GLUL: variants seen among roughly 807,000 people sequenced by gnomAD.
The protein encoded by GLUL is glutamine synthetase.
A neutral mutation model predicts 36.9 loss-of-function variants in GLUL; 8 were observed. The observed-to-expected ratio is 0.22, with a 90% CI of 0.13 to 0.39. GLUL has a LOEUF of 0.39. Ranked by LOEUF, GLUL falls within the 10% of genes least tolerant of loss-of-function variation. The pLI, the probability that GLUL is intolerant of heterozygous loss-of-function variation, is 1.00. For missense variants in GLUL, 315 were observed against 501.8 expected (o/e 0.63, Z 3.56); for synonymous variants, 182 against 172.8 (o/e 1.05, Z -0.42).
chr1:182,382,883 C>T lies in GLUL; in HGVS notation c.*1522G>A, dbSNP rs1450506252. 6.6e-6 allele frequency: 1 copy of T among 152,148 alleles called. No individual in the cohort carries two copies. The highest frequency in any genetic ancestry group is 1.5e-5 in the Non-Finnish European group (1 of 68,020). 9.4% of individuals were successfully genotyped at this position (152,148 alleles called of 1,614,324 possible). A position where few individuals can be genotyped will look rare whatever the true frequency, so the allele number is the denominator to read the frequency against. On this transcript the variant is annotated 3_prime_UTR_variant, in exon 7 of 7. Transcript: ENST00000331872. ...TAGGGATTTGAAAGAATCACAAACA[C>T]ATCAGAGAGATCTTATGTTAGGCTG...
intron 2 of GLUL, among the ~76,000 whole-genome samples, chr1:182,387,888 A>C (rs954227481): frequency 6.6e-6 from 1 of 152,230 alleles, no homozygotes; most frequent in Non-Finnish European, 1.5e-5. Flanking sequence ...GCCACATAGC[A>C]AGTACACAAT....
At chr1:182,391,581 G>A (rs550529712) in intron 1 of GLUL, 98 bp downstream of exon 1, 50 of 209,078 alleles carry the variant, frequency 2.4e-4, no homozygotes, top group African/African-American at 9.8e-4. Context: ...GGGACTGGAG[G>A]GGCAGGCAGC....
At chr1:182,391,223 G>T (rs1650403893) in intron 1 of GLUL, 1 of 398,722 alleles carries the variant, frequency 2.5e-6, no homozygotes, top group Non-Finnish European at 4.4e-6. Flanking sequence ...GAACCAGGAC[G>T]ATTGCTCCGA....
chr1:182,384,966 C>G, intron 6 of GLUL: 1 of 535,540 alleles, frequency 1.9e-6, no homozygotes, highest in South Asian at 2.2e-5. Flanking sequence ...ATCCACATGC[C>G]TGTATTGTTA....
In GLUL at chr1:182,387,250, G is replaced by C. The variant is rs774185084; in HGVS notation, c.209C>G (p.Ser70Cys). 2 of 1,612,972 alleles carry C rather than the reference G, an allele frequency of 1.2e-6. No homozygotes were observed. Among genetic ancestry groups the C allele is most frequent in the Non-Finnish European group, 1.7e-6 (2 of 1,179,026 alleles). ...ATACATGTCACTGTTGGAACCCTCA[G>C]ACTGTAAAGTACTAGAGCCATCGAA... Reference protein sequence around the residue: ...WNFDGSSTLQSEGSNSDMYLV... With the variant: ...WNFDGSSTLQCEGSNSDMYLV... Residue 70 changes from serine (S) to cysteine (C), a missense_variant, in exon 3 of 7, where the codon TCT (serine) becomes TGT (cysteine). By Grantham distance (112) the Ser-to-Cys change is moderately radical. This residue lies in a region of GLUL where 256 missense variants were observed against 396.1 expected (regional missense o/e 0.65). Coordinates refer to ENST00000331872, the MANE Select transcript of GLUL (RefSeq NM_001033044.4).
intron 6 of GLUL, 200 bp downstream of exon 6, chr1:182,385,157 T>C (rs1650118659): frequency 3.5e-6 from 2 of 573,328 alleles, no homozygotes; most frequent in Non-Finnish European, 6.2e-6. Context: ...TTGGTATTTT[T>C]CAAATAGGAA....
Position 182,379,070 on chromosome 1 carries a change from C to T in GLUL, c.*5335G>A, listed in dbSNP as rs530074555. ...GTGATGGGATTACAGGCTTGAGCCA[C>T]CATGCCCGGCCTGAAGTAGAATTTT... is the stretch of plus-strand genomic sequence containing the variant. On this transcript the variant is annotated 3_prime_UTR_variant, in exon 7 of 7. Transcript: ENST00000331872. Among the ~76,000 whole-genome samples, 9 of 152,282 alleles carry T rather than the reference C, an allele frequency of 5.9e-5. No individual in the cohort carries two copies. The highest frequency in any genetic ancestry group is 2.2e-4 in the African/African-American group (9 of 41,552).
chr1:182,386,471 G>A (rs983944615), intron 3 of GLUL, 69 bp from the exon 4 acceptor site: 27 of 1,133,162 alleles, frequency 2.4e-5, no homozygotes, highest in Non-Finnish European at 3.6e-5. Context: ...CGATGCTGAT[G>A]GGAGAATAGT....
At chr1:182,385,111 T>A (rs1650116946) in intron 6 of GLUL, 1 of 352,160 alleles carries the variant, frequency 2.8e-6, no homozygotes, top group Admixed American at 4.3e-5. Flanking sequence ...ATATAAATTA[T>A]AACAAATATT....
chr1:182,386,053 C>T, intron 4 of GLUL, 166 bp from the exon 5 acceptor site: 2 of 871,648 alleles, frequency 2.3e-6, no homozygotes, highest in Non-Finnish European at 3.9e-6. Context: ...TTCACCACAG[C>T]TTCAGTGGGG....
intron 1 of GLUL, chr1:182,389,496 CAA>C (rs1650319846): frequency 6.6e-6 from 1 of 152,406 alleles, no homozygotes; most frequent in African/African-American, 2.4e-5. Context: ...AGGTCTCATG[CAA>C]AGTCTCACTT....
rs2101925722 is a variant in GLUL at position 182,380,393 on chromosome 1, A to T, written c.*4012T>A. On this transcript the variant is annotated 3_prime_UTR_variant, in exon 7 of 7. Coordinates refer to ENST00000331872, the MANE Select transcript of GLUL (RefSeq NM_001033044.4). ...TGCAATCACAATTCACTGCAGCTTC[A>T]ATTTCCTGGGCTCAAGTCATCCTCC... Among the ~76,000 whole-genome samples, 1 of 152,270 alleles carries T rather than the reference A, an allele frequency of 6.6e-6. No individual in the cohort carries two copies. Among genetic ancestry groups the T allele is most frequent in the East Asian group, 1.9e-4 (1 of 5,186 alleles).
chr1:182,379,752 T>C lies in GLUL; in HGVS notation c.*4653A>G, dbSNP rs1417896104. Among the ~76,000 whole-genome samples the C allele has an allele frequency of 6.6e-6, 1 of 151,790 alleles. No individual in the cohort carries two copies. The highest frequency in any genetic ancestry group is 6.6e-5 in the Admixed American group (1 of 15,218). ...GGTTTTGTCATGTTGCCCAGGCTAG[T>C]CTCGAACTTCTGAGCTCAAGTGATC... On this transcript the variant is annotated 3_prime_UTR_variant, in exon 7 of 7. Transcript: ENST00000331872.
intron 3 of GLUL, 137 bp from the exon 4 acceptor site, chr1:182,386,539 C>T (rs997204008): frequency 2.6e-6 from 2 of 771,630 alleles, no homozygotes; most frequent in Non-Finnish European, 2.4e-6. Context: ...CAGTATAGGC[C>T]TTCTTGGGAT....
chr1:182,391,659 C>G lies in GLUL; in HGVS notation c.-14+20G>C, dbSNP rs1417785451. ...GCGGCGCGCCTCGCTTGCGTGACAC[C>G]GGGCCGTCCGGGGGCTTACCTGGTC... On this transcript the variant is annotated intron_variant, in intron 1 of 6. Coordinates refer to ENST00000331872, the MANE Select transcript of GLUL (RefSeq NM_001033044.4). The G allele has an allele frequency of 1.9e-5, 3 of 157,344 alleles. No individual in the cohort carries two copies. Among genetic ancestry groups the G allele is most frequent in the African/African-American group, 4.8e-5 (2 of 41,682 alleles). 9.7% of individuals were successfully genotyped at this position (157,344 alleles called of 1,614,324 possible).
In GLUL at chr1:182,382,160, TATTA is replaced by T. The variant is rs1649955712; in HGVS notation, c.*2241_*2244del. 1 of 152,222 alleles carries T rather than the reference TATTA, an allele frequency of 6.6e-6. No individual in the cohort carries two copies. Among genetic ancestry groups the T allele is most frequent in the Admixed American group, 6.5e-5 (1 of 15,280 alleles). The allele number at this position is 152,222 out of a possible 1,614,324, so 9.4% of individuals were successfully genotyped here. A position where few individuals can be genotyped will look rare whatever the true frequency, so the allele number is the denominator to read the frequency against. ...CCCACATTATTAGTAGTATTAATGC[TATTA>T]ATAATATTGCACTCCAATGTGTCCA... On this transcript the variant is annotated 3_prime_UTR_variant, in exon 7 of 7. Transcript: ENST00000331872.
rs1478239659 is a variant in GLUL at position 182,387,195 on chromosome 1, G to C, written c.264C>G (p.Pro88=). 1 of 1,613,530 alleles carries C rather than the reference G, an allele frequency of 6.2e-7. No homozygotes were observed. The highest frequency in any genetic ancestry group is 1.7e-5 in the Admixed American group (1 of 60,026). Residue 88 remains proline, a synonymous_variant, in exon 3 of 7, where the codon CCC becomes CCG. Transcript: ENST00000331872. ...YLVPAAMFRD[P]FRKDPNKLVL... ...CCAGCTTGTTAGGGTCCTTACGGAA[G>C]GGGTCCCGAAACATGGCAGCAGGCA...
At chr1:182,384,868 G>A (rs1571404874) in intron 6 of GLUL, 145 bp from the exon 7 acceptor site, 9 of 709,808 alleles carry the variant, frequency 1.3e-5, no homozygotes, top group Middle Eastern at 2.5e-4. Context: ...TCAGTGGTGA[G>A]AACAGTGCCC....
rs911094279 is a variant in GLUL at position 182,381,457 on chromosome 1, C to T, written c.*2948G>A. Among the ~76,000 whole-genome samples the T allele has an allele frequency of 6.6e-6, 1 of 152,138 alleles. No homozygotes were observed. Among genetic ancestry groups the T allele is most frequent in the Admixed American group, 6.6e-5 (1 of 15,256 alleles). ...TAAGGTTGAAAGCTTGGTCATTATT[C>T]TGTTTAATCTATCACTGATAAAAGT... On this transcript the variant is annotated 3_prime_UTR_variant, in exon 7 of 7. Coordinates refer to ENST00000331872, the MANE Select transcript of GLUL (RefSeq NM_001033044.4).
Sources: gnomAD v4.1 joint callset for allele counts (sites outside exome capture counted in the v4.1 genomes callset) on GRCh38, gnomAD v4.1.1 for gene constraint, gnomAD v4.1.1 regional missense constraint, MANE v1.5 for transcripts, NCBI Gene and HGNC (gene_info 2026-07-23, HGNC 2026-07-21) for gene names.